Variants in MRPS9 observed in about 807,000 individuals in gnomAD.
MRPS9 encodes the protein mitochondrial ribosomal protein S9.
MRPS9 carries 45 observed loss-of-function variants against 59.9 expected under a neutral mutation model. The observed-to-expected ratio is 0.75, with a 90% CI of 0.59 to 0.96. The LOEUF (loss-of-function observed/expected upper bound fraction) is 0.96. Among genes scored for constraint, MRPS9 ranks in the 40% least tolerant of loss-of-function variants. The pLI is 0.00. For missense variants in MRPS9, 473 were observed against 481.1 expected (o/e 0.98, Z 0.16); for synonymous variants, 171 against 166.8 (o/e 1.03, Z -0.19).
intron 5 of MRPS9, among the ~76,000 whole-genome samples, chr2:105,087,147 T>C (rs1680464281): frequency 6.6e-6 from 1 of 152,180 alleles, no homozygotes; most frequent in South Asian, 2.1e-4. Flanking sequence ...GATATATATA[T>C]GTGGATATAT....
intron 1 of MRPS9, among the ~76,000 whole-genome samples, chr2:105,047,488 A>T (rs1296104220): frequency 1.3e-5 from 2 of 151,860 alleles, no homozygotes; most frequent in South Asian, 2.1e-4. Context: ...AGGGAAGGGG[A>T]TGGAGGTAGG....
chr2:105,080,027 T>C lies in MRPS9; in HGVS notation c.454T>C (p.Tyr152His), dbSNP rs1558759831. The change falls in exon 5 of 11, where the codon TAT becomes CAT. Residue 152 changes from tyrosine (Y) to histidine (H), a missense_variant. Physicochemically the swap from Tyr to His is moderately conservative, Grantham distance 83. Coordinates refer to ENST00000258455, the MANE Select transcript of MRPS9 (RefSeq NM_182640.3). Reference protein sequence around the residue: ...EDGRPFHYLFYTGKQSYYSLM... With the variant: ...EDGRPFHYLFHTGKQSYYSLM... Reference sequence around the variant, plus strand: ...TGGCCGTCCATTTCACTATCTCTTCTATACTGGCAAACAGTCATACTATTC... The same window carrying C: ...TGGCCGTCCATTTCACTATCTCTTCCATACTGGCAAACAGTCATACTATTC... 1.9e-6 allele frequency: 3 copies of C among 1,611,690 alleles called. No homozygotes were observed. The highest frequency in any genetic ancestry group is 3.3e-4 in the Middle Eastern group (2 of 6,036).
intron 4 of MRPS9, among the ~76,000 whole-genome samples, chr2:105,078,071 G>A (rs566896290): frequency 7.3e-5 from 11 of 150,984 alleles, no homozygotes; most frequent in East Asian, 1.9e-4. Flanking sequence ...GGTTACTGAC[G>A]CAGAGTAGAC....
chr2:105,085,232 CTTAG>C (rs1411145727), intron 5 of MRPS9, among the ~76,000 whole-genome samples: 4 of 152,072 alleles, frequency 2.6e-5, no homozygotes, highest in African/African-American at 9.7e-5. Context: ...GCGTAAACCT[CTTAG>C]TTAATGATAA....
chr2:105,051,001 A>T (rs1393149172), intron 2 of MRPS9, among the ~76,000 whole-genome samples: 1 of 152,216 alleles, frequency 6.6e-6, no homozygotes, highest in Non-Finnish European at 1.5e-5. Context: ...GTTGATGGGC[A>T]TTTGGATTTC....
At chr2:105,049,125 A>G in intron 1 of MRPS9, 46 bp from the exon 2 acceptor site, 1 of 1,275,756 alleles carries the variant, frequency 7.8e-7, no homozygotes, top group South Asian at 1.4e-5. Flanking sequence ...CTAGAAGATC[A>G]CAGTTTAATT....
chr2:105,056,238 C>G (rs993928755), intron 2 of MRPS9, among the ~76,000 whole-genome samples: 4 of 135,262 alleles, frequency 3.0e-5, no homozygotes, highest in African/African-American at 5.4e-5. Flanking sequence ...ACTGTTCTTT[C>G]TACTCTTTCA....
intron 1 of MRPS9, among the ~76,000 whole-genome samples, chr2:105,048,417 G>A (rs567029360): frequency 4.4e-4 from 67 of 151,860 alleles, no homozygotes; most frequent in African/African-American, 1.5e-3. Flanking sequence ...ACGAGTTAAT[G>A]GGTGCAGCAC....
chr2:105,045,341 CTT>C (rs539221109), intron 1 of MRPS9, among the ~76,000 whole-genome samples: 1,547 of 141,280 alleles, frequency 0.011, 22 homozygotes, highest in African/African-American at 0.038. Context: ...AAACCCAATT[CTT>C]TTTTTTTTTT....
chr2:105,095,633 G>A (rs1680646025), intron 9 of MRPS9, among the ~76,000 whole-genome samples: 1 of 148,682 alleles, frequency 6.7e-6, no homozygotes, highest in Non-Finnish European at 1.5e-5. Context: ...GAGTAGCTGG[G>A]ATTACAGGCA....
chr2:105,056,141 A>T (rs1679787469), intron 2 of MRPS9, among the ~76,000 whole-genome samples: 1 of 150,996 alleles, frequency 6.6e-6, no homozygotes, highest in African/African-American at 2.4e-5. Flanking sequence ...TTGGAGCCGG[A>T]TGTACATTGC....
intron 9 of MRPS9, among the ~76,000 whole-genome samples, chr2:105,096,894 G>T (rs939329022): frequency 6.6e-6 from 1 of 152,110 alleles, no homozygotes; most frequent in African/African-American, 2.4e-5. Context: ...GATCTTCTGA[G>T]ATAAAGGGGA....
chr2:105,078,141 C>CTTTTT lies in MRPS9; in HGVS notation c.410-1828_410-1824dup, dbSNP rs11421327. Among the ~76,000 whole-genome samples, 339 of 127,092 alleles carry CTTTTT rather than the reference C, an allele frequency of 2.7e-3. 7 individuals are homozygous for CTTTTT. Among genetic ancestry groups the CTTTTT allele is most frequent in the African/African-American group, 9.6e-3 (320 of 33,324 alleles). 83.4% of individuals were successfully genotyped at this position (127,092 alleles called of 152,430 possible). ...GTGCCTTATTCAGTTAATTCTAAGA[C>CTTTTT]TTTTTTTTTTTTTTTTTTCAAATTT... On this transcript the variant is annotated intron_variant, in intron 4 of 10. Transcript: ENST00000258455.
chr2:105,073,104 T>C (rs923588262), intron 4 of MRPS9, among the ~76,000 whole-genome samples: 1 of 152,072 alleles, frequency 6.6e-6, no homozygotes, highest in African/African-American at 2.4e-5. Flanking sequence ...GATTTTTTTT[T>C]CTTCTTCTTC....
intron 5 of MRPS9, among the ~76,000 whole-genome samples, chr2:105,082,534 T>G (rs987120307): frequency 6.6e-6 from 1 of 152,242 alleles, no homozygotes; most frequent in Admixed American, 6.5e-5. Flanking sequence ...CACCTTGCAG[T>G]GCATCTTAAG....
intron 2 of MRPS9, among the ~76,000 whole-genome samples, chr2:105,052,285 GT>G (rs1187861072): frequency 6.6e-6 from 1 of 152,078 alleles, no homozygotes; most frequent in East Asian, 1.9e-4. Context: ...GATTCAGTAA[GT>G]TTTTTTCCAT....
intron 5 of MRPS9, among the ~76,000 whole-genome samples, chr2:105,084,247 A>ATATAT (rs1680403807): frequency 2.4e-4 from 34 of 139,604 alleles, no homozygotes; most frequent in African/African-American, 8.1e-4. Context: ...TATATACCAA[A>ATATAT]ATATATATAT....
chr2:105,056,695 G>A (rs891748250), intron 2 of MRPS9, among the ~76,000 whole-genome samples: 1 of 152,140 alleles, frequency 6.6e-6, no homozygotes, highest in African/African-American at 2.4e-5. Context: ...ACTTCAGAGG[G>A]TTAAGTTTGA....
intron 5 of MRPS9, among the ~76,000 whole-genome samples, chr2:105,083,995 A>C (rs1303515447): frequency 6.6e-6 from 1 of 152,146 alleles, no homozygotes; most frequent in Non-Finnish European, 1.5e-5. Flanking sequence ...AAGAGAGGTT[A>C]ATAAAGTCCT....
Sources: gnomAD v4.1 joint callset for allele counts (sites outside exome capture counted in the v4.1 genomes callset) on GRCh38, gnomAD v4.1.1 for gene constraint, MANE v1.5 for transcripts, NCBI Gene and HGNC (gene_info 2026-07-23, HGNC 2026-07-21) for gene names.